The following CNTN5 variants were observed in gnomAD, a reference collection of about 807,000 sequenced individuals.
CNTN5 encodes contactin-5.
Under a neutral mutation model 129.1 loss-of-function variants are expected in CNTN5, and 77 were observed. The observed-to-expected ratio is 0.60, with a 90% CI of 0.50 to 0.72. CNTN5 has a LOEUF of 0.72. Ranked by LOEUF, CNTN5 falls within the 30% of genes least tolerant of loss-of-function variation. CNTN5 has a pLI of 0.00. For synonymous variants in CNTN5, 509 were observed against 465.6 expected (o/e 1.09, Z -1.20); for missense variants, 1,478 against 1,328.8 (o/e 1.11, Z -1.75).
chr11:100,256,384 A>G (rs1042685695), intron 17 of CNTN5, among the ~76,000 whole-genome samples: 1 of 152,166 alleles, frequency 6.6e-6, no homozygotes, highest in African/African-American at 2.4e-5. Flanking sequence ...AAATTTTATT[A>G]TGTAGACTCA....
chr11:99,760,353 A>C (rs1184038544), intron 3 of CNTN5, among the ~76,000 whole-genome samples: 1 of 152,050 alleles, frequency 6.6e-6, no homozygotes, highest in Non-Finnish European at 1.5e-5. Context: ...CATGGGCTAC[A>C]AGCTAGGTTA....
chr11:99,836,976 A>G (rs1947327692), intron 4 of CNTN5, among the ~76,000 whole-genome samples: 2 of 151,996 alleles, frequency 1.3e-5, no homozygotes, highest in South Asian at 4.2e-4. Context: ...ACCAGAGGTC[A>G]CTCTCATGGC....
chr11:99,928,197 G>A (rs951865333), intron 7 of CNTN5, among the ~76,000 whole-genome samples: 3 of 152,158 alleles, frequency 2.0e-5, no homozygotes, highest in Non-Finnish European at 4.4e-5. Context: ...GATTTGCAGG[G>A]TACAGCCCCC....
intron 13 of CNTN5, among the ~76,000 whole-genome samples, chr11:100,091,678 C>T (rs111787549): frequency 0.012 from 1,753 of 151,986 alleles, 48 homozygotes; most frequent in African/African-American, 0.041. Context: ...CCACCCAACT[C>T]GGTCTACCAA....
chr11:99,292,168 T>C (rs1190952062), intron 1 of CNTN5, among the ~76,000 whole-genome samples: 1 of 151,654 alleles, frequency 6.6e-6, no homozygotes, highest in African/African-American at 2.4e-5. Flanking sequence ...GAATAATGTA[T>C]ATATTGATGG....
At chr11:99,835,793 C>T (rs1231076640) in intron 4 of CNTN5, among the ~76,000 whole-genome samples, 1 of 152,142 alleles carries the variant, frequency 6.6e-6, no homozygotes, top group African/African-American at 2.4e-5. Flanking sequence ...GGTTAAATAC[C>T]TCCTGTCATA....
At chr11:99,860,950 ATTT>A (rs146364893) in intron 6 of CNTN5, among the ~76,000 whole-genome samples, 2 of 91,030 alleles carry the variant, frequency 2.2e-5, no homozygotes, top group African/African-American at 4.4e-5. Flanking sequence ...ATATGTCTTC[ATTT>A]TTTTTTTTTT....
At chr11:99,035,483 G>C (rs1246879400) in intron 1 of CNTN5, among the ~76,000 whole-genome samples, 1 of 151,556 alleles carries the variant, frequency 6.6e-6, no homozygotes, top group East Asian at 1.9e-4. Context: ...ATTTAGGATG[G>C]TTAGCTCTTC....
At chr11:99,949,540 T>C (rs1950626233) in intron 7 of CNTN5, among the ~76,000 whole-genome samples, 1 of 152,118 alleles carries the variant, frequency 6.6e-6, no homozygotes, top group African/African-American at 2.4e-5. Flanking sequence ...GGAACCTAGG[T>C]TGAGATCGTT....
intron 2 of CNTN5, among the ~76,000 whole-genome samples, chr11:99,425,807 A>G (rs1199143122): frequency 6.6e-6 from 1 of 152,034 alleles, no homozygotes; most frequent in African/African-American, 2.4e-5. Flanking sequence ...CATGGTTTCC[A>G]CCTGTTCCTC....
At chr11:99,403,607 T>C (rs1297028128) in intron 2 of CNTN5, among the ~76,000 whole-genome samples, 4 of 152,168 alleles carry the variant, frequency 2.6e-5, no homozygotes, top group Non-Finnish European at 4.4e-5. Flanking sequence ...AATTTCTTTA[T>C]GGACCCACTA....
intron 1 of CNTN5, among the ~76,000 whole-genome samples, chr11:99,262,210 A>G (rs747248439): frequency 6.6e-6 from 1 of 152,058 alleles, no homozygotes; most frequent in Non-Finnish European, 1.5e-5. Context: ...GCCCTAGGAA[A>G]GAGGCTTAAG....
intron 1 of CNTN5, among the ~76,000 whole-genome samples, chr11:99,026,495 T>G (rs1417324533): frequency 3.3e-5 from 5 of 151,618 alleles, no homozygotes; most frequent in Admixed American, 6.6e-5. Flanking sequence ...TTCCTCCTTC[T>G]GTGATGCTGT....
At chr11:99,302,602 T>C (rs1261969095) in intron 1 of CNTN5, among the ~76,000 whole-genome samples, 1 of 151,272 alleles carries the variant, frequency 6.6e-6, no homozygotes, top group Non-Finnish European at 1.5e-5. Context: ...TCAGTGTAAA[T>C]GGTACATCCA....
intron 1 of CNTN5, among the ~76,000 whole-genome samples, chr11:99,109,065 A>G (rs1336324368): frequency 6.6e-6 from 1 of 151,764 alleles, no homozygotes; most frequent in African/African-American, 2.4e-5. Flanking sequence ...ATATACACAT[A>G]GTGTATGTAC....
At chr11:99,945,337 A>G (rs1950529953) in intron 7 of CNTN5, among the ~76,000 whole-genome samples, 1 of 152,032 alleles carries the variant, frequency 6.6e-6, no homozygotes, top group Admixed American at 6.6e-5. Flanking sequence ...AGAATAGAAT[A>G]TGGGTGTATG....
At chr11:99,782,276 TGAA>T (rs1945339232) in intron 3 of CNTN5, among the ~76,000 whole-genome samples, 1 of 146,408 alleles carries the variant, frequency 6.8e-6, no homozygotes, top group African/African-American at 2.6e-5. Flanking sequence ...ACAAGGGATG[TGAA>T]GGACCTCTTC....
intron 2 of CNTN5, among the ~76,000 whole-genome samples, chr11:99,338,099 A>G (rs1866317947): frequency 6.6e-6 from 1 of 152,202 alleles, no homozygotes. Flanking sequence ...GGTTCCTTCC[A>G]TTTACATTAG....
intron 1 of CNTN5, among the ~76,000 whole-genome samples, chr11:99,022,255 T>C (rs1862906368): frequency 6.6e-6 from 1 of 152,172 alleles, no homozygotes; most frequent in African/African-American, 2.4e-5. Flanking sequence ...TTCATTAGAA[T>C]ACTAGCATTT....
Sources: allele counts gnomAD v4.1 joint callset (sites outside exome capture counted in the v4.1 genomes callset), GRCh38; gene constraint gnomAD v4.1.1; transcripts MANE v1.5; gene names NCBI Gene and HGNC (gene_info 2026-07-23, HGNC 2026-07-21).